The following MARCHF1 variants were observed in gnomAD, a reference collection of about 807,000 sequenced individuals.
The protein encoded by MARCHF1 is E3 ubiquitin-protein ligase MARCHF1.
In MARCHF1, 40 loss-of-function variants were observed where a neutral mutation model predicts 54.2. The ratio of observed to expected loss-of-function variants is 0.74; its 90% confidence interval spans 0.57 to 0.96. The LOEUF is 0.96. Among genes scored for constraint, MARCHF1 ranks in the 40% least tolerant of loss-of-function variants. The pLI, the probability that MARCHF1 is intolerant of heterozygous loss-of-function variation, is 0.00. For synonymous variants in MARCHF1, 236 were observed against 236.3 expected (o/e 1.00, Z 0.01); for missense variants, 586 against 656.5 (o/e 0.89, Z 1.17).
intron 4 of MARCHF1, among the ~76,000 whole-genome samples, chr4:163,841,244 A>T (rs1749328148): frequency 6.6e-6 from 1 of 152,080 alleles, no homozygotes; most frequent in Admixed American, 6.6e-5. Flanking sequence ...TACAAAACTA[A>T]GAGTGAACTC....
intron 3 of MARCHF1, among the ~76,000 whole-genome samples, chr4:163,921,379 CA>C (rs61116834): frequency 7.3e-5 from 11 of 151,538 alleles, no homozygotes; most frequent in East Asian, 1.9e-4. Flanking sequence ...ATCATCACTT[CA>C]AAAAAAAGAA....
At chr4:164,329,134 T>C (rs1057049196) in intron 1 of MARCHF1, among the ~76,000 whole-genome samples, 4 of 152,180 alleles carry the variant, frequency 2.6e-5, no homozygotes, top group African/African-American at 9.7e-5. Flanking sequence ...TGGAAGAAGA[T>C]TAAAAACTGC....
At chr4:163,574,689 C>A (rs1177177943) in intron 8 of MARCHF1, among the ~76,000 whole-genome samples, 1 of 151,888 alleles carries the variant, frequency 6.6e-6, no homozygotes, top group Non-Finnish European at 1.5e-5. Context: ...TGTTTTGGTA[C>A]CAGTACCATG....
intron 3 of MARCHF1, among the ~76,000 whole-genome samples, chr4:163,943,270 TG>T (rs1265425860): frequency 6.6e-6 from 1 of 152,224 alleles, no homozygotes; most frequent in Non-Finnish European, 1.5e-5. Flanking sequence ...CCAGTTCTTA[TG>T]TCCAGAATAG....
In MARCHF1 at chr4:164,264,507, TCTC is replaced by T. The variant is rs1733553541; in HGVS notation, c.-323+119360_-323+119362del. Among the ~76,000 whole-genome samples, 6 of 151,786 alleles carry T rather than the reference TCTC, an allele frequency of 4.0e-5. No individual in the cohort carries two copies. In the East Asian group the frequency reaches 1.2e-3, roughly 29 times the overall value. On this transcript the variant is annotated intron_variant, in intron 1 of 9. Coordinates refer to ENST00000514618, the MANE Select transcript of MARCHF1 (RefSeq NM_001394959.1). ...TTAAAAAAAAAAAAGAAAATTAAAA[TCTC>T]CTTATCATCTACCTGGTAATATGTA...
At chr4:163,843,066 T>C (rs1465697877) in intron 4 of MARCHF1, among the ~76,000 whole-genome samples, 2 of 152,152 alleles carry the variant, frequency 1.3e-5, no homozygotes, top group African/African-American at 2.4e-5. Context: ...CCTCTTTGTG[T>C]CCACGTGTAT....
At chr4:164,115,002 T>C (rs780010979) in intron 1 of MARCHF1, among the ~76,000 whole-genome samples, 1 of 151,914 alleles carries the variant, frequency 6.6e-6, no homozygotes, top group Non-Finnish European at 1.5e-5. Context: ...TCTCAGAAGG[T>C]GGACGTATTT....
intron 4 of MARCHF1, among the ~76,000 whole-genome samples, chr4:163,798,093 A>C (rs572934862): frequency 6.6e-6 from 1 of 152,200 alleles, no homozygotes; most frequent in African/African-American, 2.4e-5. Context: ...CTAATCACCA[A>C]TGTGGCTTAT....
intron 1 of MARCHF1, among the ~76,000 whole-genome samples, chr4:164,275,030 G>A (rs1263479919): frequency 6.6e-6 from 1 of 151,176 alleles, no homozygotes; most frequent in Non-Finnish European, 1.5e-5. Flanking sequence ...AATATAATAA[G>A]AAACAAGGCT....
chr4:163,733,149 T>TTCTC (rs377396807), intron 4 of MARCHF1, among the ~76,000 whole-genome samples: 1,323 of 62,552 alleles, frequency 0.021, 122 homozygotes, highest in African/African-American at 0.066. Flanking sequence ...AAGACTCCAT[T>TTCTC]TCTCTCTCTC....
chr4:163,621,888 G>A (rs1402814340), intron 5 of MARCHF1, among the ~76,000 whole-genome samples: 1 of 152,132 alleles, frequency 6.6e-6, no homozygotes, highest in Admixed American at 6.6e-5. Context: ...CCAAGAGCAC[G>A]ACTCTTGTTC....
At chr4:163,804,448 A>T (rs1748169712) in intron 4 of MARCHF1, among the ~76,000 whole-genome samples, 1 of 152,178 alleles carries the variant, frequency 6.6e-6, no homozygotes, top group African/African-American at 2.4e-5. Flanking sequence ...ACTTTTTAAC[A>T]AGCTCACTGG....
chr4:163,946,985 T>A lies in MARCHF1; in HGVS notation c.-39+41516A>T, dbSNP rs181796639. 5.2e-4 allele frequency among the ~76,000 whole-genome samples: 79 copies of A among 152,318 alleles called. 2 individuals carry two copies. The highest frequency in any genetic ancestry group is 1.8e-3 in the African/African-American group (76 of 41,564). ...AGAATTCTTGTTTACAGATTTTTTT[T>A]AAAGTAGGCAGCACTTACCTTTTAT... On this transcript the variant is annotated intron_variant, in intron 3 of 9. Coordinates refer to ENST00000514618, the MANE Select transcript of MARCHF1 (RefSeq NM_001394959.1).
chr4:163,700,670 A>G (rs1579207776), intron 5 of MARCHF1, 143 bp downstream of exon 5: 2 of 615,634 alleles, frequency 3.2e-6, no homozygotes, highest in East Asian at 5.7e-5. Flanking sequence ...TATTACAGTA[A>G]AAGCTTAAAA....
At chr4:163,868,602 C>A (rs1408513026) in intron 3 of MARCHF1, among the ~76,000 whole-genome samples, 1 of 151,822 alleles carries the variant, frequency 6.6e-6, no homozygotes, top group Non-Finnish European at 1.5e-5. Context: ...TCTATATATA[C>A]CCATACATAC....
chr4:163,729,611 T>A (rs1745769682), intron 4 of MARCHF1, among the ~76,000 whole-genome samples: 1 of 152,144 alleles, frequency 6.6e-6, no homozygotes, highest in African/African-American at 2.4e-5. Flanking sequence ...TTGATCCATT[T>A]CATCAAGGTT....
chr4:164,014,680 A>G (rs1266432817), intron 2 of MARCHF1, among the ~76,000 whole-genome samples: 4 of 152,198 alleles, frequency 2.6e-5, no homozygotes, highest in Non-Finnish European at 5.9e-5. Context: ...TATAGATTGA[A>G]ATTAAAAGAA....
chr4:163,805,349 A>C (rs1748196693), intron 4 of MARCHF1, among the ~76,000 whole-genome samples: 1 of 148,350 alleles, frequency 6.7e-6, no homozygotes, highest in South Asian at 2.2e-4. Flanking sequence ...AAGTAAAAGA[A>C]ATAAAATATT....
intron 3 of MARCHF1, among the ~76,000 whole-genome samples, chr4:163,934,402 T>G (rs550496797): frequency 5.3e-5 from 8 of 151,822 alleles, no homozygotes; most frequent in African/African-American, 1.9e-4. Flanking sequence ...CTGCAATTTT[T>G]TTTTTAATTA....
Sources: allele counts gnomAD v4.1 joint callset (sites outside exome capture counted in the v4.1 genomes callset), GRCh38; gene constraint gnomAD v4.1.1; transcripts MANE v1.5; gene names NCBI Gene and HGNC (gene_info 2026-07-23, HGNC 2026-07-21).